CHD7: variants seen among roughly 807,000 people sequenced by gnomAD.
CHD7 encodes ATP-dependent chromatin remodeler CHD7.
In CHD7, 24 loss-of-function variants were observed where a neutral mutation model predicts 307.3. The ratio of observed to expected loss-of-function variants is 0.08; its 90% CI spans 0.06 to 0.11. The LOEUF (loss-of-function observed/expected upper bound fraction) is 0.11. CHD7 is among the 10% of genes least tolerant of loss of function. CHD7 has a pLI of 1.00. For missense variants in CHD7, 3,106 were observed against 3,727.1 expected (o/e 0.83, Z 4.34); for synonymous variants, 1,363 against 1,349.9 (o/e 1.01, Z -0.21).
intron 34 of CHD7, among the ~76,000 whole-genome samples, chr8:60,857,579 A>G (rs1199299678): frequency 2.0e-5 from 3 of 152,174 alleles, no homozygotes; most frequent in East Asian, 1.9e-4. Flanking sequence ...TTAGCACTAT[A>G]TATCTTGAAC....
intron 17 of CHD7, 63 bp downstream of exon 17, chr8:60,837,075 G>A: frequency 7.5e-7 from 1 of 1,328,170 alleles, no homozygotes; most frequent in East Asian, 2.3e-5. Flanking sequence ...CTATGACAGA[G>A]AGTACCAGTC....
At chr8:60,716,328 A>T (rs1011831514) in intron 1 of CHD7, among the ~76,000 whole-genome samples, 9 of 152,150 alleles carry the variant, frequency 5.9e-5, no homozygotes, top group African/African-American at 2.2e-4. Flanking sequence ...GCAGTTCGTG[A>T]TTCATCCTCT....
chr8:60,714,313 G>A (rs1025115374), intron 1 of CHD7, among the ~76,000 whole-genome samples: 1 of 148,170 alleles, frequency 6.7e-6, no homozygotes, highest in African/African-American at 2.5e-5. Context: ...TTCACCTCAT[G>A]CCCGCCTCAG....
At chr8:60,777,402 A>G (rs1223821714) in intron 2 of CHD7, among the ~76,000 whole-genome samples, 1 of 152,258 alleles carries the variant, frequency 6.6e-6, no homozygotes, top group Non-Finnish European at 1.5e-5. Flanking sequence ...CAGTGTAATT[A>G]AGGCAAAACA....
rs148926796 is a variant in CHD7 at position 60,736,117 on chromosome 8, C to T, written c.-174-5142C>T. On this transcript the variant is annotated intron_variant, in intron 1 of 37. Transcript: ENST00000423902. Reference sequence around the variant, plus strand: ...GGGGTTCAGGAAGGGCATCATTTGACCCATGAAGCAAATACGGAAAATACT... The same window carrying T: ...GGGGTTCAGGAAGGGCATCATTTGATCCATGAAGCAAATACGGAAAATACT... Among the ~76,000 whole-genome samples the T allele has an allele frequency of 3.1e-3, 475 of 152,272 alleles. 6 individuals carry two copies. The highest frequency in any genetic ancestry group is 0.011 in the African/African-American group (453 of 41,550).
intron 3 of CHD7, among the ~76,000 whole-genome samples, chr8:60,787,589 T>G (rs535784382): frequency 6.6e-6 from 1 of 152,226 alleles, no homozygotes; most frequent in South Asian, 2.1e-4. Flanking sequence ...GACAACACCC[T>G]TAAACTTCCA....
rs753347128 is a variant in CHD7 at position 60,850,621 on chromosome 8, G to C, written c.5533G>C (p.Gly1845Arg). ...GTDMLADGGD[G>R]GEFDREDEDP... ...AGACATGCTAGCAGATGGTGGTGAC[G>C]GGTAAGAAGGACATTTTAAAATTTG... The change falls in exon 26 of 38, where the codon GGG (glycine) becomes CGG (arginine). Residue 1845 changes from glycine (G) to arginine (R), a missense_variant and splice_region_variant. Transcript: ENST00000423902. The C allele has an allele frequency of 1.2e-6, 2 of 1,609,460 alleles. No individual in the cohort carries two copies. The highest frequency in any genetic ancestry group is 8.5e-7 in the Non-Finnish European group (1 of 1,177,724).
rs566554048 is a variant in CHD7, at chr8:60,865,367, T to A, written c.8428T>A (p.Phe2810Ile). ...AGGAATGGCGGGCCTGCCCAACGTG[T>A]TTGGCTTGGGCGGGCTGTTGAATAA... ...LPGMAGLPNVFGLGGLLNNPL... is the reference protein window; with the variant it reads ...LPGMAGLPNVIGLGGLLNNPL... Residue 2810 changes from phenylalanine (F) to isoleucine (I), a missense_variant, in exon 38 of 38, where the codon TTT becomes ATT. Coordinates refer to ENST00000423902, the MANE Select transcript of CHD7 (RefSeq NM_017780.4). The surrounding 1 kb of genome is among the most constrained non-coding windows in gnomAD (Gnocchi z 4.3). 2.2e-5 allele frequency: 35 copies of A among 1,612,232 alleles called. No individual in the cohort carries two copies. In the South Asian group the frequency reaches 3.3e-4, roughly 15 times the overall value.
intron 13 of CHD7, among the ~76,000 whole-genome samples, chr8:60,828,318 C>T (rs559604361): frequency 5.3e-5 from 8 of 152,082 alleles, no homozygotes; most frequent in Non-Finnish European, 8.8e-5. Flanking sequence ...GTTTCATCTG[C>T]GTCTAGGGAT....
chr8:60,807,438 T>C (rs1359496615), intron 6 of CHD7, among the ~76,000 whole-genome samples: 3 of 152,248 alleles, frequency 2.0e-5, no homozygotes, highest in East Asian at 1.9e-4. Flanking sequence ...TAAAAAGAGA[T>C]GCCTAAAATA....
At chr8:60,809,458 A>C (rs189056691) in intron 7 of CHD7, 18 of 152,252 alleles carry the variant, frequency 1.2e-4, no homozygotes, top group African/African-American at 3.9e-4. Flanking sequence ...AAACAAGAGC[A>C]AAGGAGTTCA....
chr8:60,796,930 T>C (rs1812062400), intron 4 of CHD7, among the ~76,000 whole-genome samples: 1 of 152,226 alleles, frequency 6.6e-6, no homozygotes. Context: ...CTCAAAATTG[T>C]GTCACAAGGT....
At chr8:60,773,895 A>G (rs968909125) in intron 2 of CHD7, among the ~76,000 whole-genome samples, 5 of 152,238 alleles carry the variant, frequency 3.3e-5, no homozygotes, top group Admixed American at 6.5e-5. Context: ...GTGATTCTCT[A>G]CAGCTTTAGT....
rs201671109 is a variant in CHD7, at chr8:60,842,002, C to T, written c.4800C>T (p.Gly1600=). The change falls in exon 21 of 38, where the codon GGC becomes GGT. Residue 1600 remains glycine (G), a synonymous_variant. Coordinates refer to ENST00000423902, the MANE Select transcript of CHD7 (RefSeq NM_017780.4). ...GGCGTCCCCAGGATAAGTCACAGGG[C>T]TATGCAAGGAGTGAATGTTTCAGGG... ...KPRRPQDKSQ[G]YARSECFRVE... 29 of 1,613,958 alleles carry T rather than the reference C, an allele frequency of 1.8e-5. No homozygotes were observed. The highest frequency in any genetic ancestry group is 2.4e-5 in the Non-Finnish European group (28 of 1,179,878).
At chr8:60,748,970 ATTTTTT>A (rs1216748648) in intron 2 of CHD7, among the ~76,000 whole-genome samples, 123 of 137,300 alleles carry the variant, frequency 9.0e-4, no homozygotes, top group Middle Eastern at 3.7e-3. Context: ...CAGTGGTACA[ATTTTTT>A]TTTTTTTTTT....
chr8:60,865,345 A>G lies in CHD7; in HGVS notation c.8406A>G (p.Gly2802=), dbSNP rs1461153276. 4 of 1,611,614 alleles carry G rather than the reference A, an allele frequency of 2.5e-6. No individual in the cohort carries two copies. The Admixed American group carries it at 6.7e-5, about 27-fold the overall frequency. ...CTGTGCTGCCCCTGATGCTGCCAGG[A>G]ATGGCGGGCCTGCCCAACGTGTTTG... is the stretch of plus-strand genomic sequence containing the variant. ...PAAVLPLMLP[G]MAGLPNVFGL... Residue 2802 remains glycine (G), a synonymous_variant, in exon 38 of 38, where the codon GGA becomes GGG. Coordinates refer to ENST00000423902, the MANE Select transcript of CHD7 (RefSeq NM_017780.4). This position sits in a 1 kb window ranked among gnomAD's most constrained non-coding sequence, Gnocchi z 4.3.
At chr8:60,714,106 G>T (rs1807424116) in intron 1 of CHD7, among the ~76,000 whole-genome samples, 1 of 152,026 alleles carries the variant, frequency 6.6e-6, no homozygotes, top group African/African-American at 2.4e-5. Flanking sequence ...GGGTGGGCCG[G>T]GCTGGGCCGC....
chr8:60,700,527 G>A (rs1320113023), intron 1 of CHD7, among the ~76,000 whole-genome samples: 2 of 152,208 alleles, frequency 1.3e-5, no homozygotes, highest in African/African-American at 4.8e-5. Context: ...ACAATGAGAC[G>A]ATGCCATGAT....
chr8:60,780,376 T>C (rs1811148646), intron 2 of CHD7, among the ~76,000 whole-genome samples: 1 of 152,240 alleles, frequency 6.6e-6, no homozygotes, highest in South Asian at 2.1e-4. Context: ...AAGAAAAACA[T>C]GTTCCACCTT....
Sources: allele counts gnomAD v4.1 joint callset (sites outside exome capture counted in the v4.1 genomes callset), GRCh38; gene constraint gnomAD v4.1.1; non-coding constraint Gnocchi (gnomAD v3.1); transcripts MANE v1.5; gene names NCBI Gene and HGNC (gene_info 2026-07-23, HGNC 2026-07-21).